The following CTNNA3 variants were observed in gnomAD, a reference collection of about 807,000 sequenced individuals.
The protein encoded by CTNNA3 is catenin alpha-3.
In CTNNA3, 76 loss-of-function variants were observed where a neutral mutation model predicts 95.7. The observed-to-expected ratio is 0.79, with a 90% CI of 0.66 to 0.96. The LOEUF is 0.96. Among genes scored for constraint, CTNNA3 ranks in the 40% least tolerant of loss-of-function variants. The probability of loss-of-function intolerance (pLI) is 0.00; values close to 1 mark genes in which losing one functional copy is unlikely to be tolerated. For missense variants in CTNNA3, 1,191 were observed against 1,089.8 expected, an observed-to-expected ratio of 1.09 and a Z score of -1.31; for synonymous variants, 431 against 374.4, an observed-to-expected ratio of 1.15 and a Z score of -1.74.
intron 9 of CTNNA3, among the ~76,000 whole-genome samples, chr10:66,628,251 A>T (rs1223118503): frequency 6.6e-6 from 1 of 152,148 alleles, no homozygotes; most frequent in Non-Finnish European, 1.5e-5. Flanking sequence ...TGAAATTAAC[A>T]CATTTGGTGA....
intron 1 of CTNNA3, among the ~76,000 whole-genome samples, chr10:67,740,951 C>T (rs1429328453): frequency 2.6e-5 from 4 of 151,436 alleles, no homozygotes; most frequent in African/African-American, 9.7e-5. Flanking sequence ...AAATGTGGTA[C>T]ATATACACCA....
chr10:67,010,487 T>G (rs1852248473), intron 7 of CTNNA3, among the ~76,000 whole-genome samples: 1 of 152,188 alleles, frequency 6.6e-6, no homozygotes, highest in African/African-American at 2.4e-5. Flanking sequence ...GCTTATCACC[T>G]CATAGTCCCC....
chr10:66,150,941 G>T (rs1475346214), intron 13 of CTNNA3, among the ~76,000 whole-genome samples: 1 of 151,992 alleles, frequency 6.6e-6, no homozygotes, highest in African/African-American at 2.4e-5. Context: ...TATTTCTTGA[G>T]TTGTTTCCCT....
At chr10:65,991,007 A>G (rs2078534208) in intron 15 of CTNNA3, among the ~76,000 whole-genome samples, 1 of 152,078 alleles carries the variant, frequency 6.6e-6, no homozygotes, top group Non-Finnish European at 1.5e-5. Flanking sequence ...AGCACCATTT[A>G]TTGAAGAGCC....
intron 7 of CTNNA3, among the ~76,000 whole-genome samples, chr10:66,998,745 G>A (rs974335318): frequency 1.3e-5 from 2 of 152,196 alleles, no homozygotes; most frequent in Non-Finnish European, 2.9e-5. Flanking sequence ...AATTGTCACA[G>A]ATCAACAATA....
intron 11 of CTNNA3, among the ~76,000 whole-genome samples, chr10:66,492,122 T>G (rs943376189): frequency 2.0e-5 from 3 of 152,160 alleles, no homozygotes; most frequent in African/African-American, 7.2e-5. Flanking sequence ...CTTTTCTCAA[T>G]GTTTCCCACA....
intron 11 of CTNNA3, among the ~76,000 whole-genome samples, chr10:66,454,871 A>G (rs935318670): frequency 6.6e-6 from 1 of 151,754 alleles, no homozygotes; most frequent in Non-Finnish European, 1.5e-5. Flanking sequence ...GAGAGGAGGA[A>G]GAGGATAAAA....
intron 15 of CTNNA3, among the ~76,000 whole-genome samples, chr10:66,062,499 C>T (rs1169934441): frequency 6.6e-6 from 1 of 152,004 alleles, no homozygotes; most frequent in Non-Finnish European, 1.5e-5. Context: ...AAGGAATAGC[C>T]TATATATAAA....
chr10:67,285,716 T>G (rs1839571145), intron 5 of CTNNA3, among the ~76,000 whole-genome samples: 1 of 152,204 alleles, frequency 6.6e-6, no homozygotes, highest in East Asian at 1.9e-4. Flanking sequence ...TTATTTAAAA[T>G]TAATATTGTG....
intron 5 of CTNNA3, among the ~76,000 whole-genome samples, chr10:67,430,118 T>G (rs1170955964): frequency 6.6e-6 from 1 of 152,014 alleles, no homozygotes; most frequent in African/African-American, 2.4e-5. Flanking sequence ...CAAGCAATGC[T>G]ACTTGGCTCC....
chr10:67,621,662 T>C (rs756604804), intron 2 of CTNNA3, among the ~76,000 whole-genome samples: 1 of 151,536 alleles, frequency 6.6e-6, no homozygotes, highest in Non-Finnish European at 1.5e-5. Context: ...GGCAGAAGAA[T>C]TGCTTGAAAC....
At chr10:66,612,018 T>C (rs892664989) in intron 10 of CTNNA3, among the ~76,000 whole-genome samples, 4 of 152,076 alleles carry the variant, frequency 2.6e-5, no homozygotes, top group African/African-American at 4.8e-5. Context: ...CTTAAATATA[T>C]TCATTTCTGT....
At chr10:67,568,922 T>C (rs1398709890) in intron 3 of CTNNA3, among the ~76,000 whole-genome samples, 1 of 152,146 alleles carries the variant, frequency 6.6e-6, no homozygotes, top group Admixed American at 6.6e-5. Flanking sequence ...AACTTAACAA[T>C]GTCCTTAGAT....
At chr10:66,362,435 G>C (rs1303428829) in intron 12 of CTNNA3, among the ~76,000 whole-genome samples, 1 of 151,740 alleles carries the variant, frequency 6.6e-6, no homozygotes, top group African/African-American at 2.4e-5. Context: ...GATAGGCCAG[G>C]TGCAGTGGCG....
chr10:66,701,210 A>G (rs1847931922), intron 9 of CTNNA3, among the ~76,000 whole-genome samples: 1 of 152,104 alleles, frequency 6.6e-6, no homozygotes, highest in Admixed American at 6.6e-5. Flanking sequence ...AGTCATTTCT[A>G]TTGATCTATT....
intron 15 of CTNNA3, among the ~76,000 whole-genome samples, chr10:66,061,104 A>T (rs1044655861): frequency 2.0e-5 from 3 of 152,142 alleles, no homozygotes; most frequent in African/African-American, 7.2e-5. Context: ...AATGTAACAC[A>T]GTTTATGTGA....
At chr10:65,968,259 C>A (rs1013421783) in intron 16 of CTNNA3, among the ~76,000 whole-genome samples, 3 of 151,838 alleles carry the variant, frequency 2.0e-5, no homozygotes, top group Non-Finnish European at 4.4e-5. Flanking sequence ...AGGTGTGGTC[C>A]CAGCTATTCA....
At chr10:66,853,158 A>G (rs999276002) in intron 7 of CTNNA3, among the ~76,000 whole-genome samples, 2 of 152,152 alleles carry the variant, frequency 1.3e-5, no homozygotes, top group Non-Finnish European at 2.9e-5. Context: ...TTTATTGTCC[A>G]TAAATAAAGT....
At chr10:66,451,477 T>C (rs1400369585) in intron 11 of CTNNA3, among the ~76,000 whole-genome samples, 11 of 152,122 alleles carry the variant, frequency 7.2e-5, no homozygotes, top group Admixed American at 7.2e-4. Context: ...TAAAAACGTA[T>C]CTTTCAGATG....
Sources: gnomAD v4.1 joint callset for allele counts (sites outside exome capture counted in the v4.1 genomes callset) on GRCh38, gnomAD v4.1.1 for gene constraint, MANE v1.5 for transcripts, NCBI Gene and HGNC (gene_info 2026-07-23, HGNC 2026-07-21) for gene names.